BRSK2: variants seen among roughly 807,000 people sequenced by gnomAD.
BRSK2 encodes the protein BR serine/threonine kinase 2, also known as serine/threonine-protein kinase BRSK2.
In BRSK2, 19 loss-of-function variants were observed where a neutral mutation model predicts 83.3. That is an observed-to-expected ratio of 0.23 (90% CI 0.16 to 0.33). The LOEUF (loss-of-function observed/expected upper bound fraction) is 0.33. Among genes scored for constraint, BRSK2 ranks in the 10% least tolerant of loss-of-function variants. The pLI, the probability that BRSK2 is intolerant of heterozygous loss-of-function variation, is 1.00. For missense variants in BRSK2, 798 were observed against 1,042.3 expected (o/e 0.77, Z 3.23); for synonymous variants, 519 against 435.4 (o/e 1.19, Z -2.39).
At position 1,461,067 on chromosome 11, in the gene BRSK2, G is replaced by C; in HGVS notation, c.*344G>C. The C allele has an allele frequency of 6.3e-7, 1 of 1,594,632 alleles. No homozygotes were observed. The highest frequency in any genetic ancestry group is 1.1e-5 in the South Asian group (1 of 89,576). ...CCGCCCTCCCTCCGCTCCTGCTGTT[G>C]CTGCCGGGCAGTGAGGCCCAGCCCA... On this transcript the variant is annotated 3_prime_UTR_variant, in exon 20 of 20. Transcript: ENST00000528841.
At chr11:1,411,623 C>T in intron 1 of BRSK2, 3 of 1,554,708 alleles carry the variant, frequency 1.9e-6, no homozygotes, top group Non-Finnish European at 2.6e-6. Context: ...GCCTGCAGCC[C>T]AGCCCAGCAG....
chr11:1,447,937 C>A (rs914423379), intron 12 of BRSK2: 4 of 1,414,844 alleles, frequency 2.8e-6, no homozygotes, highest in African/African-American at 2.8e-5. Flanking sequence ...CGGGCAGGCA[C>A]ATGGGCGGGT....
intron 1 of BRSK2, among the ~76,000 whole-genome samples, chr11:1,419,333 A>ATTCCCTCTTGGGTGGTGT (rs1168227183): frequency 3.9e-5 from 6 of 152,252 alleles, no homozygotes; most frequent in African/African-American, 4.8e-5. Context: ...CTGGGACGTG[A>ATTCCCTCTTGGGTGGTGT]TTCCCTCTTG....
intron 12 of BRSK2, among the ~76,000 whole-genome samples, chr11:1,446,440 G>T (rs1009943968): frequency 1.3e-5 from 2 of 152,012 alleles, no homozygotes; most frequent in Non-Finnish European, 2.9e-5. Context: ...GGGCTGAGCT[G>T]GGCTGGGCTG....
chr11:1,460,488 C>G lies in BRSK2; in HGVS notation c.1988-12C>G. ...TTTTTTTTTTTTTTTTGTCTCTGTT[C>G]TGTGTACCCAGGCAGCCCATTGAGT... is the stretch of plus-strand genomic sequence containing the variant. On this transcript the variant is annotated splice_polypyrimidine_tract_variant and intron_variant, in intron 19 of 19. Coordinates refer to ENST00000528841, the MANE Select transcript of BRSK2 (RefSeq NM_001256627.2). 1.3e-5 allele frequency: 11 copies of G among 861,064 alleles called. No homozygotes were observed. The highest frequency in any genetic ancestry group is 4.8e-5 in the East Asian group (1 of 20,938). The allele number at this position is 861,064 out of a possible 1,614,324, so 53.3% of individuals were successfully genotyped here. A position where few individuals can be genotyped will look rare whatever the true frequency, so the allele number is the denominator to read the frequency against.
rs1847494972 is a variant in BRSK2, at chr11:1,461,483, C to T, written c.*760C>T. On this transcript the variant is annotated 3_prime_UTR_variant, in exon 20 of 20. Coordinates refer to ENST00000528841, the MANE Select transcript of BRSK2 (RefSeq NM_001256627.2). Reference sequence around the variant, plus strand: ...TCTCTGGCTGAGGTGGAAACAGAGACACCCTGCGGCACCAGAGCCTTCCCA... The same window carrying T: ...TCTCTGGCTGAGGTGGAAACAGAGATACCCTGCGGCACCAGAGCCTTCCCA... 1 of 205,860 alleles carries T rather than the reference C, an allele frequency of 4.9e-6. No individual in the cohort carries two copies. The allele number at this position is 205,860 out of a possible 1,614,324, so 12.8% of individuals were successfully genotyped here. A position where few individuals can be genotyped will look rare whatever the true frequency, so the allele number is the denominator to read the frequency against.
At position 1,454,409 on chromosome 11, in the gene BRSK2, C is replaced by A. The variant is rs757455699; in HGVS notation, c.1545-76C>A. On this transcript the variant is annotated intron_variant, in intron 15 of 19. Coordinates refer to ENST00000528841, the MANE Select transcript of BRSK2 (RefSeq NM_001256627.2). The surrounding 1 kb of genome is among the most constrained non-coding windows in gnomAD (Gnocchi z 5.2). ...GCGATGGAAGATTCCGCCGTTCCAA[C>A]CCCAGATTCGAGGGAGGCAGGGGTG... 2 of 1,561,134 alleles carry A rather than the reference C, an allele frequency of 1.3e-6. No homozygotes were observed. Among genetic ancestry groups the A allele is most frequent in the Non-Finnish European group, 1.8e-6 (2 of 1,138,714 alleles).
intron 19 of BRSK2, among the ~76,000 whole-genome samples, chr11:1,459,671 G>A (rs1050893948): frequency 6.6e-6 from 1 of 152,226 alleles, no homozygotes; most frequent in African/African-American, 2.4e-5. Flanking sequence ...GTGGGATTGA[G>A]GGGCCTCCAT....
intron 12 of BRSK2, chr11:1,447,835 G>A: frequency 6.3e-7 from 1 of 1,597,370 alleles, no homozygotes; most frequent in East Asian, 2.2e-5. Flanking sequence ...TATCGCTGAG[G>A]CCCATCCCCA....
At chr11:1,397,855 A>C (rs1180883916) in intron 1 of BRSK2, among the ~76,000 whole-genome samples, 1 of 151,724 alleles carries the variant, frequency 6.6e-6, no homozygotes, top group Non-Finnish European at 1.5e-5. Flanking sequence ...GGGGCTGGGT[A>C]GGGCCAGTGG....
At chr11:1,411,738 T>G in intron 1 of BRSK2, 1 of 1,462,562 alleles carries the variant, frequency 6.8e-7, no homozygotes, top group Non-Finnish European at 9.2e-7. Context: ...TCGCCAGCAC[T>G]GGTGGGCTGC....
At position 1,420,056 on chromosome 11, in the gene BRSK2, C is replaced by G. The variant is rs139534492; in HGVS notation, c.92-15984C>G. The stretch of plus-strand genomic sequence containing the variant: ...GAAGCCTGGTTGAGTGCAGAGCCTC[C>G]TCTTTCTTGGATAAGAGGGAATGTT... On this transcript the variant is annotated intron_variant, in intron 1 of 19. Transcript: ENST00000528841. Among the ~76,000 whole-genome samples the G allele has an allele frequency of 4.2e-3, 639 of 152,380 alleles. 10 individuals carry two copies. The highest frequency in any genetic ancestry group is 7.3e-3 in the East Asian group (38 of 5,184).
chr11:1,447,639 G>A (rs1033268997), intron 12 of BRSK2, among the ~76,000 whole-genome samples: 2 of 152,162 alleles, frequency 1.3e-5, no homozygotes, highest in African/African-American at 2.4e-5. Flanking sequence ...CACACGGTGC[G>A]GGGTGTGCTG....
intron 8 of BRSK2, 93 bp downstream of exon 8, chr11:1,443,728 G>T (rs1440651138): frequency 1.4e-5 from 20 of 1,397,440 alleles, no homozygotes; most frequent in Non-Finnish European, 1.9e-5. Flanking sequence ...GTGCCCAGAC[G>T]TGTGGGCACC....
intron 1 of BRSK2, among the ~76,000 whole-genome samples, chr11:1,422,142 G>A (rs1848693667): frequency 1.3e-5 from 2 of 152,186 alleles, no homozygotes; most frequent in Non-Finnish European, 2.9e-5. Flanking sequence ...CCCAGCCCCA[G>A]CTGTGGGCCC....
At chr11:1,441,037 C>A in intron 4 of BRSK2, 109 bp downstream of exon 4, 1 of 931,998 alleles carries the variant, frequency 1.1e-6, no homozygotes, top group Non-Finnish European at 1.6e-6. Context: ...GGTGCTATTC[C>A]GAGGTACACC....
At chr11:1,405,333 G>A (rs1846795347) in intron 1 of BRSK2, among the ~76,000 whole-genome samples, 1 of 152,220 alleles carries the variant, frequency 6.6e-6, no homozygotes. Context: ...ATGTGTGTGT[G>A]GTGTGTCTGC....
Position 1,441,023 on chromosome 11 carries a change from C to A in BRSK2, c.413+95C>A, listed in dbSNP as rs1015691868. On this transcript the variant is annotated intron_variant, in intron 4 of 19. Transcript: ENST00000528841. Reference sequence around the variant, plus strand: ...CCCTGTGCCCCAAGGACTACACCCCCTATGGTGCTATTCCGAGGTACACCA... The same window carrying A: ...CCCTGTGCCCCAAGGACTACACCCCATATGGTGCTATTCCGAGGTACACCA... 12 of 1,087,444 alleles carry A rather than the reference C, an allele frequency of 1.1e-5. No homozygotes were observed. The Admixed American group carries it at 2.6e-4, about 24-fold the overall frequency. The allele number at this position is 1,087,444 out of a possible 1,614,324, so 67.4% of individuals were successfully genotyped here.
intron 1 of BRSK2, among the ~76,000 whole-genome samples, chr11:1,393,730 C>A (rs781033571): frequency 6.6e-6 from 1 of 152,130 alleles, no homozygotes; most frequent in Non-Finnish European, 1.5e-5. Flanking sequence ...GCCTGGGAGA[C>A]CCTGGGGGTG....
Sources: allele counts gnomAD v4.1 joint callset (sites outside exome capture counted in the v4.1 genomes callset), GRCh38; gene constraint gnomAD v4.1.1; non-coding constraint Gnocchi (gnomAD v3.1); transcripts MANE v1.5; gene names NCBI Gene and HGNC (gene_info 2026-07-23, HGNC 2026-07-21).